The following PNLIPRP1 variants were observed in gnomAD, a reference collection of about 807,000 sequenced individuals.
PNLIPRP1 encodes inactive pancreatic lipase-related protein 1.
A neutral mutation model predicts 54.6 loss-of-function variants in PNLIPRP1; 57 were observed. That is an observed-to-expected ratio of 1.04 (90% CI 0.84 to 1.30). PNLIPRP1 has a LOEUF of 1.30. PNLIPRP1 is among the 50% of genes most tolerant of loss of function. The pLI, the probability that PNLIPRP1 is intolerant of heterozygous loss-of-function variation, is 0.00. For synonymous variants in PNLIPRP1, 232 were observed against 208.8 expected, an observed-to-expected ratio of 1.11 and a Z score of -0.96; for missense variants, 567 against 568.5, an observed-to-expected ratio of 1.00 and a Z score of 0.03.
chr10:116,591,327 C>T lies in PNLIPRP1; in HGVS notation c.49+149C>T. On this transcript the variant is annotated intron_variant, in intron 2 of 12. Transcript: ENST00000358834. Reference sequence around the variant, plus strand: ...CTGACACTCTGCCTGGGAGAGTAGGCTGGGCAGTTTAAGGGAGACCTGTTT... The same window carrying T: ...CTGACACTCTGCCTGGGAGAGTAGGTTGGGCAGTTTAAGGGAGACCTGTTT... 4 of 651,416 alleles carry T rather than the reference C, an allele frequency of 6.1e-6. No homozygotes were observed. In the South Asian group the frequency reaches 7.6e-5, roughly 12 times the overall value. 40.4% of individuals were successfully genotyped at this position (651,416 alleles called of 1,614,324 possible). A position where few individuals can be genotyped will look rare whatever the true frequency, so the allele number is the denominator to read the frequency against.
At chr10:116,593,979 A>G (rs952279723) in intron 4 of PNLIPRP1, 1 of 167,292 alleles carries the variant, frequency 6.0e-6, no homozygotes, top group South Asian at 1.4e-4. Flanking sequence ...AAAAAGAAAG[A>G]AAAAAAGAAA....
chr10:116,606,365 G>A (rs1847937632), intron 12 of PNLIPRP1, among the ~76,000 whole-genome samples: 1 of 152,148 alleles, frequency 6.6e-6, no homozygotes, highest in South Asian at 2.1e-4. Flanking sequence ...ACGAGGCAAG[G>A]AGAACAAAGA....
At chr10:116,606,339 G>T (rs532702562) in intron 12 of PNLIPRP1, among the ~76,000 whole-genome samples, 1 of 152,280 alleles carries the variant, frequency 6.6e-6, no homozygotes, top group East Asian at 1.9e-4. Context: ...GACTTAGTGA[G>T]GTTCTCCTTA....
chr10:116,592,496 C>T lies in PNLIPRP1; in HGVS notation c.285C>T (p.Gly95=). The stretch of plus-strand genomic sequence containing the variant: ...GAAAGACCCGGTTCATCATCCATGG[C>T]TTCATAGACAAAGGAGATGAGAGCT... The part of the protein sequence containing the change: ...MDRKTRFIIH[G]FIDKGDESWV... Residue 95 remains glycine (G), a synonymous_variant, in exon 4 of 13, where the codon GGC becomes GGT. Coordinates refer to ENST00000358834, the MANE Select transcript of PNLIPRP1 (RefSeq NM_006229.4). 1 of 1,614,132 alleles carries T rather than the reference C, an allele frequency of 6.2e-7. No homozygotes were observed.
At chr10:116,607,682 TGAGGAAATGG>T (rs1358071887) in intron 12 of PNLIPRP1, among the ~76,000 whole-genome samples, 1 of 152,050 alleles carries the variant, frequency 6.6e-6, no homozygotes, top group Non-Finnish European at 1.5e-5. Flanking sequence ...GGAACACCAG[TGAGGAAATGG>T]GGCAAAGCTT....
rs1554865213 is a variant in PNLIPRP1, at chr10:116,604,096, T to G, written c.1130T>G (p.Leu377Trp). The change falls in exon 11 of 13, where the codon TTG becomes TGG. Residue 377 changes from leucine to tryptophan, a missense_variant. Coordinates refer to ENST00000358834, the MANE Select transcript of PNLIPRP1 (RefSeq NM_006229.4). ...RTATGQIKVALFGNKGNTHQY... is the reference protein window; with the variant it reads ...RTATGQIKVAWFGNKGNTHQY... Reference sequence around the variant, plus strand: ...GCCACTGGTCAGATCAAAGTTGCTTTGTTTGGAAATAAGGGAAACACTCAC... The same window carrying G: ...GCCACTGGTCAGATCAAAGTTGCTTGGTTTGGAAATAAGGGAAACACTCAC... 1 of 1,613,382 alleles carries G rather than the reference T, an allele frequency of 6.2e-7. No homozygotes were observed. The highest frequency in any genetic ancestry group is 8.5e-7 in the Non-Finnish European group (1 of 1,179,356).
At position 116,591,824 on chromosome 10, in the gene PNLIPRP1, G is replaced by T. The variant is rs1847643174; in HGVS notation, c.103G>T (p.Gly35Cys). The T allele has an allele frequency of 6.2e-7, 1 of 1,614,218 alleles. No individual in the cohort carries two copies. The highest frequency in any genetic ancestry group is 1.1e-5 in the South Asian group (1 of 91,092). ...LGCFSDTEPW[G>C]GTAIRPLKIL... ...GTGCTTTTCTGACACTGAGCCCTGG[G>T]GCGGGACAGCAATCAGGCCCCTGAA... The change falls in exon 3 of 13, where the codon GGC (glycine) becomes TGC (cysteine). Residue 35 changes from glycine (G) to cysteine (C), a missense_variant. Coordinates refer to ENST00000358834, the MANE Select transcript of PNLIPRP1 (RefSeq NM_006229.4).
At chr10:116,602,755 GTGTT>G (rs751731894) in intron 10 of PNLIPRP1, among the ~76,000 whole-genome samples, 2 of 151,848 alleles carry the variant, frequency 1.3e-5, no homozygotes, top group African/African-American at 2.4e-5. Flanking sequence ...ATGTGTGAGT[GTGTT>G]TGTGTATGTA....
At position 116,605,509 on chromosome 10, in the gene PNLIPRP1, G is replaced by A. The variant is rs374698455; in HGVS notation, c.1296G>A (p.Val432=). 31 of 1,610,550 alleles carry A rather than the reference G, an allele frequency of 1.9e-5. No homozygotes were observed. The African/African-American group carries it at 3.7e-4, about 19-fold the overall frequency. The change falls in exon 12 of 13, where the codon GTG becomes GTA. Residue 432 remains valine (V), a synonymous_variant. Transcript: ENST00000358834. ...TGATAAATCCAACCCTCCCCAAAGT[G>A]GGTGCCACCAAGATCACTGTGCAAA... ...NNVINPTLPK[V]GATKITVQKG... is the part of the protein sequence containing the mutation.
intron 3 of PNLIPRP1, 73 bp downstream of exon 3, chr10:116,591,998 T>C (rs2133225781): frequency 6.7e-7 from 1 of 1,503,366 alleles, no homozygotes; most frequent in Non-Finnish European, 9.2e-7. Context: ...CATGAATACC[T>C]TATCTCTGTG....
chr10:116,592,585 T>C (rs1847660205), intron 4 of PNLIPRP1, 44 bp downstream of exon 4: 1 of 1,610,926 alleles, frequency 6.2e-7, no homozygotes, highest in Non-Finnish European at 8.5e-7. Flanking sequence ...AGGCCAACAC[T>C]TCTGCTAACA....
At position 116,597,932 on chromosome 10, in the gene PNLIPRP1, CT is replaced by C. The variant is rs1368231931; in HGVS notation, c.680del (p.Leu227ArgfsTer40). On this transcript the variant is annotated frameshift_variant, in exon 7 of 13. Transcript: ENST00000358834. LOFTEE classifies it high-confidence loss of function. ...TGTGATTCACACGGATGCAGCTCCCCTGATCCCATTCTTGGGTGAGACCTAT... is the reference window on the plus strand; with the variant it reads ...TGTGATTCACACGGATGCAGCTCCCCGATCCCATTCTTGGGTGAGACCTAT... ...VDVIHTDAAP[L>X]IPFLGFGTNQ... 4.3e-6 allele frequency: 7 copies of C among 1,614,108 alleles called. No individual in the cohort carries two copies. The highest frequency in any genetic ancestry group is 1.3e-5 in the African/African-American group (1 of 74,934).
intron 10 of PNLIPRP1, among the ~76,000 whole-genome samples, chr10:116,601,891 T>A (rs1847847620): frequency 6.6e-6 from 1 of 152,254 alleles, no homozygotes. Context: ...TGAGGTATAA[T>A]TTATATTTGG....
chr10:116,600,957 G>C, intron 9 of PNLIPRP1, 115 bp from the exon 10 acceptor site: 1 of 942,744 alleles, frequency 1.1e-6, no homozygotes, highest in Non-Finnish European at 1.6e-6. Context: ...CAACCCCTTT[G>C]TTGTCACAAA....
At chr10:116,607,034 A>T (rs1847946817) in intron 12 of PNLIPRP1, among the ~76,000 whole-genome samples, 1 of 149,116 alleles carries the variant, frequency 6.7e-6, no homozygotes, top group Admixed American at 6.6e-5. Context: ...TAATAATAAT[A>T]ATAATAATAA....
intron 6 of PNLIPRP1, 83 bp from the exon 7 acceptor site, chr10:116,597,745 A>G (rs1554864134): frequency 1.9e-6 from 3 of 1,542,574 alleles, no homozygotes; most frequent in African/African-American, 2.7e-5. Context: ...TGGGCAGTGC[A>G]TAGCCCGGGC....
chr10:116,602,999 CATGTT>C (rs1847874381), intron 10 of PNLIPRP1, among the ~76,000 whole-genome samples: 4 of 151,578 alleles, frequency 2.6e-5, no homozygotes, highest in African/African-American at 9.7e-5. Context: ...CACGCACATG[CATGTT>C]TGTGTATATG....
chr10:116,596,812 A>T (rs987019213), intron 6 of PNLIPRP1, among the ~76,000 whole-genome samples: 1 of 152,196 alleles, frequency 6.6e-6, no homozygotes, highest in African/African-American at 2.4e-5. Context: ...CAATCAAAGC[A>T]TTTGAATTAT....
intron 10 of PNLIPRP1, among the ~76,000 whole-genome samples, chr10:116,602,759 T>C (rs943409147): frequency 1.3e-5 from 2 of 152,164 alleles, no homozygotes; most frequent in Non-Finnish European, 2.9e-5. Flanking sequence ...GTGAGTGTGT[T>C]TGTGTATGTA....
Sources: gnomAD v4.1 joint callset for allele counts (sites outside exome capture counted in the v4.1 genomes callset) on GRCh38, gnomAD v4.1.1 for gene constraint, MANE v1.5 for transcripts, NCBI Gene and HGNC (gene_info 2026-07-23, HGNC 2026-07-21) for gene names.